Variants in ZNF678 observed in about 807,000 individuals in gnomAD.
ZNF678 encodes zinc finger protein 678.
Under a neutral mutation model 3.0 loss-of-function variants are expected in ZNF678, and 5 were observed. The ratio of observed to expected loss-of-function variants is 1.69; its 90% CI spans 0.88 to 3.56. The LOEUF (loss-of-function observed/expected upper bound fraction) is 3.56, where lower values mean the gene tolerates loss of function less well. ZNF678 is among the 30% of genes most tolerant of loss of function. ZNF678 has a pLI of 0.00. For missense variants in ZNF678, 593 were observed against 605.0 expected, an observed-to-expected ratio of 0.98 and a Z score of 0.21; for synonymous variants, 218 against 199.6, an observed-to-expected ratio of 1.09 and a Z score of -0.78.
intron 5 of ZNF678, among the ~76,000 whole-genome samples, chr1:227,672,003 G>T (rs1436142685): frequency 6.6e-5 from 10 of 152,196 alleles, no homozygotes; most frequent in Admixed American, 6.5e-4. Flanking sequence ...ATTCAGAAAT[G>T]CAGTGATGCA....
At chr1:227,650,878 A>G in intron 2 of ZNF678, 78 bp from the exon 3 acceptor site, 1 of 1,083,148 alleles carries the variant, frequency 9.2e-7, no homozygotes, top group Non-Finnish European at 1.3e-6. Flanking sequence ...TGTCATCAAC[A>G]AACAGCAGTA....
intron 1 of ZNF678, among the ~76,000 whole-genome samples, chr1:227,584,021 T>C (rs1426292113): frequency 6.6e-6 from 1 of 152,216 alleles, no homozygotes; most frequent in Non-Finnish European, 1.5e-5. Flanking sequence ...CAATCTTTCT[T>C]ATCAGGTAGA....
intron 1 of ZNF678, among the ~76,000 whole-genome samples, chr1:227,604,576 G>A (rs12568691): frequency 1.6e-4 from 24 of 152,160 alleles, no homozygotes; most frequent in East Asian, 5.8e-4. Context: ...TTTTAGTAGA[G>A]ATGGGATTTC....
At chr1:227,565,743 C>A (rs906094964) in intron 1 of ZNF678, among the ~76,000 whole-genome samples, 2 of 152,144 alleles carry the variant, frequency 1.3e-5, no homozygotes, top group Admixed American at 1.3e-4. Flanking sequence ...CTGGTTGTAT[C>A]CTCAGCCACT....
At chr1:227,648,572 C>G (rs115867802) in intron 2 of ZNF678, among the ~76,000 whole-genome samples, 2,063 of 152,278 alleles carry the variant, frequency 0.014, 52 homozygotes, top group African/African-American at 0.047. Context: ...AATTCCAGCA[C>G]TTTGGGAGGC....
intron 2 of ZNF678, among the ~76,000 whole-genome samples, chr1:227,648,526 G>A (rs1659012556): frequency 6.6e-6 from 1 of 152,148 alleles, no homozygotes; most frequent in East Asian, 1.9e-4. Flanking sequence ...TTACACATTC[G>A]ATCTTTTAAA....
chr1:227,664,819 C>T (rs1659474971), downstream of ZNF678, among the ~76,000 whole-genome samples: 1 of 151,886 alleles, frequency 6.6e-6, no homozygotes, highest in Non-Finnish European at 1.5e-5. Context: ...ATATGACCTA[C>T]CCAAAGGCCC....
chr1:227,647,277 C>T (rs1490370884), intron 2 of ZNF678, among the ~76,000 whole-genome samples: 2 of 152,008 alleles, frequency 1.3e-5, no homozygotes, highest in Non-Finnish European at 2.9e-5. Flanking sequence ...ACAAAAAGAA[C>T]CTATACATTT....
At chr1:227,569,665 G>C (rs1253327189) in intron 1 of ZNF678, among the ~76,000 whole-genome samples, 1 of 149,344 alleles carries the variant, frequency 6.7e-6, no homozygotes, top group African/African-American at 2.5e-5. Flanking sequence ...TTTACTGAAT[G>C]CATTTATTAG....
chr1:227,678,760 T>C (rs951260883), downstream of ZNF678, among the ~76,000 whole-genome samples: 6 of 152,342 alleles, frequency 3.9e-5, no homozygotes, highest in Non-Finnish European at 1.5e-5. Flanking sequence ...CCAATACATA[T>C]GTTAACTCAA....
At chr1:227,648,796 C>T (rs1361334272) in intron 2 of ZNF678, among the ~76,000 whole-genome samples, 1 of 151,966 alleles carries the variant, frequency 6.6e-6, no homozygotes, top group Non-Finnish European at 1.5e-5. Flanking sequence ...CCTGCCATTG[C>T]ACTCCATCCT....
rs538951454 is a variant in ZNF678 at position 227,654,520 on chromosome 1, A to G, written c.270A>G (p.Ser90=). 79 of 1,613,244 alleles carry G rather than the reference A, an allele frequency of 4.9e-5. 1 individual carries two copies. In the Middle Eastern group the frequency reaches 6.6e-4, roughly 13 times the overall value. ...ATTGCAATAGACTTACTCAATGTTC[A>G]TCAACTAAAAGCAAAATCTTTCAAT... ...KEYCNRLTQC[S]STKSKIFQCI... is the part of the protein sequence containing the mutation. Residue 90 remains serine (S), a synonymous_variant, in exon 4 of 4, where the codon TCA becomes TCG. Coordinates refer to ENST00000343776, the MANE Select transcript of ZNF678 (RefSeq NM_001367909.1).
At chr1:227,599,949 C>G (rs577745466) in intron 1 of ZNF678, among the ~76,000 whole-genome samples, 1 of 152,236 alleles carries the variant, frequency 6.6e-6, no homozygotes, top group Non-Finnish European at 1.5e-5. Flanking sequence ...AGTTATTTTT[C>G]TGATTCTCTC....
rs181381801 is a variant in ZNF678 at position 227,642,219 on chromosome 1, C to T, written c.-163-4325C>T. Among the ~76,000 whole-genome samples the T allele has an allele frequency of 3.3e-5, 5 of 152,310 alleles. No homozygotes were observed. The East Asian group carries it at 9.6e-4, about 29-fold the overall frequency. On this transcript the variant is annotated intron_variant, in intron 1 of 3. Coordinates refer to ENST00000343776, the MANE Select transcript of ZNF678 (RefSeq NM_001367909.1). ...TAGAAAACTCAGGGGAGACATCTAC[C>T]GTGTGAGACATCAACATAGACTTTG... is the stretch of plus-strand genomic sequence containing the variant.
At chr1:227,586,628 T>C (rs1657269847) in intron 1 of ZNF678, among the ~76,000 whole-genome samples, 2 of 152,114 alleles carry the variant, frequency 1.3e-5, no homozygotes, top group Admixed American at 1.3e-4. Flanking sequence ...AAGGCAGAAG[T>C]TTAGAAACAA....
rs944918334 is a variant in ZNF678, at chr1:227,656,706, A to G, written c.*878A>G. The G allele has an allele frequency of 8.6e-5, 13 of 151,976 alleles. No homozygotes were observed. The South Asian group carries it at 1.2e-3, about 15-fold the overall frequency. 9.4% of individuals were successfully genotyped at this position (151,976 alleles called of 1,614,324 possible). A position where few individuals can be genotyped will look rare whatever the true frequency, so the allele number is the denominator to read the frequency against. On this transcript the variant is annotated 3_prime_UTR_variant, in exon 4 of 4. Transcript: ENST00000343776. ...CAGAGAAGTATTTTGCATTATAGTA[A>G]TAGGGAAACATTTTGAATTTCAGTA...
intron 1 of ZNF678, among the ~76,000 whole-genome samples, chr1:227,610,942 C>A (rs1658001840): frequency 6.6e-6 from 1 of 152,210 alleles, no homozygotes; most frequent in Admixed American, 6.5e-5. Flanking sequence ...ATTACCACAA[C>A]CTCATCAATG....
intron 1 of ZNF678, among the ~76,000 whole-genome samples, chr1:227,568,729 G>A (rs770749713): frequency 6.6e-6 from 1 of 152,202 alleles, no homozygotes; most frequent in Non-Finnish European, 1.5e-5. Flanking sequence ...GTGGGTCCCT[G>A]GTGCATGTGA....
chr1:227,588,461 G>A (rs1571867968), intron 1 of ZNF678, among the ~76,000 whole-genome samples: 2 of 148,654 alleles, frequency 1.3e-5, no homozygotes, highest in Admixed American at 1.3e-4. Context: ...GTGTAAAAGT[G>A]CTTCTTTTTC....
Sources: allele counts gnomAD v4.1 joint callset (sites outside exome capture counted in the v4.1 genomes callset), GRCh38; gene constraint gnomAD v4.1.1; transcripts MANE v1.5; gene names NCBI Gene and HGNC (gene_info 2026-07-23, HGNC 2026-07-21).